Variants in PUS7 observed in about 807,000 individuals in gnomAD.
The protein encoded by PUS7 is pseudouridine synthase 7, also known as pseudouridylate synthase 7 homolog.
PUS7 carries 48 observed loss-of-function variants against 79.8 expected under a neutral mutation model. That is an observed-to-expected ratio of 0.60 (90% CI 0.48 to 0.76). The LOEUF is 0.76. Ranked by LOEUF, PUS7 falls within the 30% of genes least tolerant of loss-of-function variation. The pLI, the probability that PUS7 is intolerant of heterozygous loss-of-function variation, is 0.00. For missense variants in PUS7, 729 were observed against 797.6 expected (o/e 0.91, Z 1.04); for synonymous variants, 286 against 272.2 (o/e 1.05, Z -0.50).
intron 6 of PUS7, among the ~76,000 whole-genome samples, chr7:105,493,125 C>G (rs541862704): frequency 6.6e-6 from 1 of 152,150 alleles, no homozygotes; most frequent in African/African-American, 2.4e-5. Flanking sequence ...ATATAATGTA[C>G]CACTATGAAA....
At chr7:105,517,294 G>A (rs188100262) in intron 1 of PUS7, among the ~76,000 whole-genome samples, 3 of 152,206 alleles carry the variant, frequency 2.0e-5, no homozygotes, top group Admixed American at 6.5e-5. Context: ...GTAGCTGAGA[G>A]TACATACAGG....
chr7:105,520,255 C>T (rs891039888), intron 1 of PUS7, among the ~76,000 whole-genome samples: 6 of 151,970 alleles, frequency 3.9e-5, no homozygotes, highest in African/African-American at 1.5e-4. Context: ...GTCAGGAAAT[C>T]GAGACCATCC....
Position 105,482,460 on chromosome 7 carries a change from AGCAACAAAAC to A in PUS7, c.921-30_921-21del. The A allele has an allele frequency of 1.9e-6, 3 of 1,544,654 alleles. No homozygotes were observed. Among genetic ancestry groups the A allele is most frequent in the Non-Finnish European group, 2.6e-6 (3 of 1,142,056 alleles). The stretch of plus-strand genomic sequence containing the variant: ...GTTATTCTTTAAAAAAAAAAAAAAA[AGCAACAAAAC>A]AAAAAAGAGTAGAAAGAGGATCATG... On this transcript the variant is annotated intron_variant, in intron 7 of 15. Coordinates refer to ENST00000469408, the MANE Select transcript of PUS7 (RefSeq NM_019042.5).
chr7:105,498,222 G>T (rs1430161833), intron 5 of PUS7, among the ~76,000 whole-genome samples: 2 of 152,186 alleles, frequency 1.3e-5, no homozygotes, highest in Admixed American at 1.3e-4. Flanking sequence ...GTAAGCATAT[G>T]CATTGATTAA....
rs569960440 is a variant in PUS7 at position 105,496,296 on chromosome 7, C to T, written c.731-1043G>A. Among the ~76,000 whole-genome samples the T allele has an allele frequency of 6.1e-5, 9 of 146,444 alleles. No individual in the cohort carries two copies. In the South Asian group the frequency reaches 1.7e-3, roughly 28 times the overall value. On this transcript the variant is annotated intron_variant, in intron 5 of 15. Coordinates refer to ENST00000469408, the MANE Select transcript of PUS7 (RefSeq NM_019042.5). Reference sequence around the variant, plus strand: ...ATATATGCTTTAGATTTAAGCTGCTCAAAATGTTTTTTTTTAAGTACTTTG... The same window carrying T: ...ATATATGCTTTAGATTTAAGCTGCTTAAAATGTTTTTTTTTAAGTACTTTG...
intron 5 of PUS7, among the ~76,000 whole-genome samples, chr7:105,497,643 GT>G (rs1825090333): frequency 6.6e-6 from 1 of 152,174 alleles, no homozygotes; most frequent in African/African-American, 2.4e-5. Flanking sequence ...CAATAGGTAT[GT>G]GATAGGAAGA....
chr7:105,460,073 G>C (rs888369911), intron 14 of PUS7, among the ~76,000 whole-genome samples: 4 of 151,968 alleles, frequency 2.6e-5, no homozygotes, highest in African/African-American at 9.7e-5. Context: ...CGAGTAGCTG[G>C]GACTACAGGC....
intron 13 of PUS7, among the ~76,000 whole-genome samples, chr7:105,463,843 T>C (rs181062301): frequency 2.6e-5 from 4 of 152,366 alleles, no homozygotes; most frequent in African/African-American, 9.6e-5. Context: ...TGCAATAGAA[T>C]ATTATGCAAT....
intron 9 of PUS7, among the ~76,000 whole-genome samples, chr7:105,477,643 T>C (rs749652717): frequency 1.3e-5 from 2 of 152,136 alleles, no homozygotes; most frequent in Non-Finnish European, 2.9e-5. Context: ...CAATGGCTTT[T>C]AGTATTTTTA....
At chr7:105,477,931 T>C (rs1403527389) in intron 9 of PUS7, among the ~76,000 whole-genome samples, 1 of 152,084 alleles carries the variant, frequency 6.6e-6, no homozygotes, top group Admixed American at 6.6e-5. Context: ...GCCTCCTGAG[T>C]AGCTAGGACC....
intron 1 of PUS7, among the ~76,000 whole-genome samples, chr7:105,520,636 C>A (rs1168400358): frequency 6.6e-6 from 1 of 152,030 alleles, no homozygotes; most frequent in African/African-American, 2.4e-5. Context: ...GCAGGAGAAT[C>A]GCTTGAACCC....
intron 7 of PUS7, 146 bp from the exon 8 acceptor site, chr7:105,482,586 G>T: frequency 1.3e-6 from 1 of 762,934 alleles, no homozygotes; most frequent in Non-Finnish European, 2.1e-6. Flanking sequence ...AGCAGGTGAG[G>T]TGGGCGTGTC....
chr7:105,459,407 G>C (rs767775791), intron 14 of PUS7, 148 bp from the exon 15 acceptor site: 34 of 423,020 alleles, frequency 8.0e-5, no homozygotes, highest in Non-Finnish European at 1.2e-4. Context: ...AGCAGGGCCA[G>C]ATTTTATACC....
At chr7:105,490,204 A>T (rs994370436) in intron 7 of PUS7, among the ~76,000 whole-genome samples, 1 of 152,140 alleles carries the variant, frequency 6.6e-6, no homozygotes, top group Non-Finnish European at 1.5e-5. Context: ...TAATTGCAGT[A>T]TGACTGACAT....
chr7:105,471,829 T>C (rs1823884753), intron 10 of PUS7, among the ~76,000 whole-genome samples: 1 of 151,670 alleles, frequency 6.6e-6, no homozygotes, highest in Non-Finnish European at 1.5e-5. Context: ...GGAGAATCAC[T>C]TGAACCCAGG....
At chr7:105,458,280 A>G (rs1216471238) in intron 15 of PUS7, among the ~76,000 whole-genome samples, 1 of 151,996 alleles carries the variant, frequency 6.6e-6, no homozygotes, top group Admixed American at 6.6e-5. Context: ...TTTTTTTTTG[A>G]GACAGAGTCT....
At chr7:105,492,001 G>A (rs183992036) in intron 6 of PUS7, among the ~76,000 whole-genome samples, 2 of 146,350 alleles carry the variant, frequency 1.4e-5, no homozygotes, top group Non-Finnish European at 3.0e-5. Context: ...AGGTTGCAGT[G>A]AGCTGAGACC....
At chr7:105,516,016 G>C (rs554599588) in intron 1 of PUS7, among the ~76,000 whole-genome samples, 137 of 152,012 alleles carry the variant, frequency 9.0e-4, no homozygotes, top group African/African-American at 3.2e-3. Context: ...TCACCATGTT[G>C]GTCAGGCTGG....
intron 14 of PUS7, among the ~76,000 whole-genome samples, chr7:105,459,860 G>A (rs538500873): frequency 3.4e-4 from 51 of 152,090 alleles, no homozygotes; most frequent in Non-Finnish European, 6.0e-4. Context: ...ACTAAGCCCA[G>A]GAGTTCAAGA....
Sources: gnomAD v4.1 joint callset for allele counts (sites outside exome capture counted in the v4.1 genomes callset) on GRCh38, gnomAD v4.1.1 for gene constraint, MANE v1.5 for transcripts, NCBI Gene and HGNC (gene_info 2026-07-23, HGNC 2026-07-21) for gene names.